Variants in PINX1 observed in about 807,000 individuals in gnomAD.
PINX1 encodes PIN2/TERF1-interacting telomerase inhibitor 1.
A neutral mutation model predicts 25.4 loss-of-function variants in PINX1; 34 were observed. The observed-to-expected ratio is 1.34, with a 90% CI of 1.02 to 1.78. The LOEUF (loss-of-function observed/expected upper bound fraction) is 1.78. PINX1 is among the 40% of genes most tolerant of loss of function. The pLI is 0.00. For synonymous variants in PINX1, 197 were observed against 147.7 expected, an observed-to-expected ratio of 1.33 and a Z score of -2.42; for missense variants, 592 against 404.9, an observed-to-expected ratio of 1.46 and a Z score of -3.97.
At chr8:10,829,285 C>CAAAAAAAAAAAA (rs57684473) in intron 4 of PINX1, among the ~76,000 whole-genome samples, 1 of 90,518 alleles carries the variant, frequency 1.1e-5, no homozygotes, top group Non-Finnish European at 2.2e-5. Flanking sequence ...GACTCCATCT[C>CAAAAAAAAAAAA]AAAAAAAAAA....
chr8:10,815,047 C>A (rs1797657774), intron 6 of PINX1, among the ~76,000 whole-genome samples: 1 of 152,054 alleles, frequency 6.6e-6, no homozygotes, highest in Admixed American at 6.5e-5. Flanking sequence ...TCAAGCAATC[C>A]TCCCATCTCC....
At position 10,820,180 on chromosome 8, in the gene PINX1, C is replaced by A; in HGVS notation, c.471+13G>T. ...ATTAAAGCGGAACACGGAAACTGTACGTGGCTTTATACCTCGGGAGTCTTC... is the reference window on the plus strand; with the variant it reads ...ATTAAAGCGGAACACGGAAACTGTAAGTGGCTTTATACCTCGGGAGTCTTC... On this transcript the variant is annotated intron_variant, in intron 6 of 6. Coordinates refer to ENST00000314787, the MANE Select transcript of PINX1 (RefSeq NM_017884.6). 1 of 1,552,128 alleles carries A rather than the reference C, an allele frequency of 6.4e-7. No individual in the cohort carries two copies. Among genetic ancestry groups the A allele is most frequent in the Non-Finnish European group, 8.9e-7 (1 of 1,124,130 alleles).
In PINX1 at chr8:10,765,633, T is replaced by C. The variant is rs1233986085; in HGVS notation, c.755A>G (p.Lys252Arg). The C allele has an allele frequency of 1.9e-6, 3 of 1,613,904 alleles. No homozygotes were observed. The Admixed American group carries it at 5.0e-5, about 27-fold the overall frequency. The change falls in exon 7 of 7, where the codon AAG becomes AGG. Residue 252 changes from lysine to arginine, a missense_variant. Coordinates refer to ENST00000314787, the MANE Select transcript of PINX1 (RefSeq NM_017884.6). ...RAEAQERVAK[K>R]KSAPAEEQLR... ...CTGCTCTTCTGCTGGCGCGCTCTTCTTCTTGGCCACTCGCTCCTGGGCCTC... is the reference window on the plus strand; with the variant it reads ...CTGCTCTTCTGCTGGCGCGCTCTTCCTCTTGGCCACTCGCTCCTGGGCCTC...
intron 6 of PINX1, among the ~76,000 whole-genome samples, chr8:10,802,417 G>A (rs1448956054): frequency 2.6e-5 from 4 of 152,160 alleles, no homozygotes; most frequent in African/African-American, 7.2e-5. Context: ...CTGCACTCTG[G>A]AGACATCAAT....
At chr8:10,772,908 G>A (rs532911323) in intron 6 of PINX1, among the ~76,000 whole-genome samples, 4 of 150,100 alleles carry the variant, frequency 2.7e-5, no homozygotes, top group Admixed American at 2.0e-4. Context: ...AACTATGGCC[G>A]TGGGCCTAGT....
At chr8:10,833,028 A>T (rs1303944138) in intron 2 of PINX1, 44 bp from the exon 3 acceptor site, 2 of 1,247,830 alleles carry the variant, frequency 1.6e-6, no homozygotes, top group African/African-American at 2.0e-5. Flanking sequence ...CCTCTCACTG[A>T]TACTCAGAAG....
rs1801017134 is a variant in PINX1, at chr8:10,765,752, C to T, written c.636G>A (p.Gly212=). 1.9e-6 allele frequency: 3 copies of T among 1,613,956 alleles called. No homozygotes were observed. Among genetic ancestry groups the T allele is most frequent in the Non-Finnish European group, 1.7e-6 (2 of 1,179,890 alleles). ...CTGTGGCCTCTTTATTTCTTTTCTT[C>T]CCCCTTTTACGTTCCACCTGCGTCT... The part of the protein sequence containing the change: ...ISETQVERKR[G]KKRNKEATGK... The change falls in exon 7 of 7, where the codon GGG becomes GGA. Residue 212 remains glycine, a synonymous_variant. Coordinates refer to ENST00000314787, the MANE Select transcript of PINX1 (RefSeq NM_017884.6).
chr8:10,819,906 G>C (rs577140774), intron 6 of PINX1, among the ~76,000 whole-genome samples: 1 of 152,188 alleles, frequency 6.6e-6, no homozygotes, highest in East Asian at 1.9e-4. Context: ...TGATTGTATC[G>C]GCAATGGGTG....
At chr8:10,806,581 C>G (rs1028617735) in intron 6 of PINX1, among the ~76,000 whole-genome samples, 3 of 152,170 alleles carry the variant, frequency 2.0e-5, no homozygotes, top group Admixed American at 2.0e-4. Flanking sequence ...TTCTCTTAGT[C>G]TTTCTCCACT....
In PINX1 at chr8:10,787,968, T is replaced by C. The variant is rs1259943061; in HGVS notation, c.472-22052A>G. On this transcript the variant is annotated intron_variant, in intron 6 of 6. Coordinates refer to ENST00000314787, the MANE Select transcript of PINX1 (RefSeq NM_017884.6). ...AAAGTTATTAGACAACTGGGGAAAC[T>C]TGAACATTGACTGGATTTGATGATA... The C allele has an allele frequency of 4.7e-5, 17 of 364,672 alleles. 1 individual carries two copies. The highest frequency in any genetic ancestry group is 1.1e-4 in the South Asian group (5 of 44,948). The allele number at this position is 364,672 out of a possible 1,614,324, so 22.6% of individuals were successfully genotyped here.
At chr8:10,812,483 C>T (rs1164641588) in intron 6 of PINX1, among the ~76,000 whole-genome samples, 3 of 152,184 alleles carry the variant, frequency 2.0e-5, no homozygotes, top group Admixed American at 6.5e-5. Context: ...CCCAAGGAGA[C>T]GTGCACTGTG....
At chr8:10,835,684 T>C (rs894787301) in intron 1 of PINX1, among the ~76,000 whole-genome samples, 6 of 151,782 alleles carry the variant, frequency 4.0e-5, no homozygotes, top group East Asian at 3.9e-4. Flanking sequence ...TGAGGCTTCA[T>C]TGCAAGAAGT....
chr8:10,792,024 T>G (rs926982426), intron 6 of PINX1, among the ~76,000 whole-genome samples: 8 of 152,146 alleles, frequency 5.3e-5, no homozygotes, highest in Non-Finnish European at 1.0e-4. Flanking sequence ...GACCGCCCCC[T>G]CTCTCCCGCT....
At chr8:10,836,716 G>C (rs757753365) in intron 1 of PINX1, among the ~76,000 whole-genome samples, 1 of 152,112 alleles carries the variant, frequency 6.6e-6, no homozygotes, top group Non-Finnish European at 1.5e-5. Context: ...GTTTCCCATT[G>C]AAAATGAGTA....
chr8:10,778,169 T>A (rs1801453535), intron 6 of PINX1, among the ~76,000 whole-genome samples: 1 of 152,116 alleles, frequency 6.6e-6, no homozygotes, highest in Non-Finnish European at 1.5e-5. Flanking sequence ...AAACCTAGAC[T>A]AAGCAGGGAA....
chr8:10,825,440 T>C (rs543886744), intron 5 of PINX1: 19 of 534,856 alleles, frequency 3.6e-5, no homozygotes, highest in Admixed American at 2.3e-4. Context: ...TAATTCATGA[T>C]ACTGTTCTAC....
intron 6 of PINX1, among the ~76,000 whole-genome samples, chr8:10,802,535 T>C (rs575911801): frequency 6.6e-6 from 1 of 152,346 alleles, no homozygotes; most frequent in South Asian, 2.1e-4. Flanking sequence ...CCTATCTCTT[T>C]GCCAGAATCC....
chr8:10,825,447 C>G (rs778894308), intron 5 of PINX1: 1 of 534,784 alleles, frequency 1.9e-6, no homozygotes, highest in South Asian at 1.4e-5. Flanking sequence ...TGATACTGTT[C>G]TACAGACAAA....
chr8:10,796,209 C>A (rs1187024374), intron 6 of PINX1, among the ~76,000 whole-genome samples: 1 of 152,086 alleles, frequency 6.6e-6, no homozygotes, highest in Non-Finnish European at 1.5e-5. Flanking sequence ...AGAGAGGCTT[C>A]CAAGGGACTG....
Sources: gnomAD v4.1 joint callset for allele counts (sites outside exome capture counted in the v4.1 genomes callset) on GRCh38, gnomAD v4.1.1 for gene constraint, MANE v1.5 for transcripts, NCBI Gene and HGNC (gene_info 2026-07-23, HGNC 2026-07-21) for gene names.